IMMP2L: variants seen among roughly 807,000 people sequenced by gnomAD.
IMMP2L encodes the protein inner mitochondrial membrane peptidase subunit 2.
In IMMP2L, 18 loss-of-function variants were observed where a neutral mutation model predicts 19.3. The ratio of observed to expected loss-of-function variants is 0.93; its 90% CI spans 0.64 to 1.38. IMMP2L has a LOEUF of 1.38. Among genes scored for constraint, IMMP2L ranks in the 40% most tolerant of loss-of-function variants. The pLI is 0.00. For missense variants in IMMP2L, 233 were observed against 218.2 expected (o/e 1.07, Z -0.43); for synonymous variants, 76 against 73.0 (o/e 1.04, Z -0.21).
chr7:111,272,979 C>G (rs528073424), intron 3 of IMMP2L, among the ~76,000 whole-genome samples: 35 of 151,992 alleles, frequency 2.3e-4, no homozygotes, highest in Non-Finnish European at 4.1e-4. Context: ...GGAAGAAACA[C>G]CTAGATCAAA....
chr7:110,892,220 C>T (rs1258206902), intron 4 of IMMP2L, among the ~76,000 whole-genome samples: 1 of 152,092 alleles, frequency 6.6e-6, no homozygotes, highest in African/African-American at 2.4e-5. Context: ...CCTGAGTTTT[C>T]ATTAACTGAA....
At chr7:111,040,145 G>T (rs1237016725) in intron 3 of IMMP2L, among the ~76,000 whole-genome samples, 1 of 152,034 alleles carries the variant, frequency 6.6e-6, no homozygotes, top group Non-Finnish European at 1.5e-5. Context: ...CTGCAGCCTG[G>T]GTGACAAGAC....
At chr7:111,469,896 CT>C in intron 3 of IMMP2L, among the ~76,000 whole-genome samples, 1 of 152,162 alleles carries the variant, frequency 6.6e-6, no homozygotes, top group South Asian at 2.1e-4. Context: ...AACTAAAGAG[CT>C]TCTGCACAGC....
At chr7:111,048,750 G>T (rs1299357452) in intron 3 of IMMP2L, among the ~76,000 whole-genome samples, 1 of 152,190 alleles carries the variant, frequency 6.6e-6, no homozygotes, top group African/African-American at 2.4e-5. Flanking sequence ...ACTATAAAAA[G>T]ACAACTTGGT....
chr7:111,525,668 G>A (rs1277273345), intron 1 of IMMP2L, among the ~76,000 whole-genome samples: 1 of 152,072 alleles, frequency 6.6e-6, no homozygotes, highest in East Asian at 1.9e-4. Context: ...GGTGGGAGAA[G>A]GAAGGAGATA....
intron 5 of IMMP2L, among the ~76,000 whole-genome samples, chr7:110,816,177 A>G (rs1584917521): frequency 3.3e-5 from 5 of 152,044 alleles, no homozygotes; most frequent in African/African-American, 1.2e-4. Context: ...TTTTGTTCTC[A>G]TTGGTTTCAA....
intron 3 of IMMP2L, among the ~76,000 whole-genome samples, chr7:111,078,381 G>A (rs1795590122): frequency 6.6e-6 from 1 of 152,168 alleles, no homozygotes. Flanking sequence ...GGTCTAGAAT[G>A]TCACTTAAAG....
chr7:111,141,644 T>G (rs1802905567), intron 3 of IMMP2L, among the ~76,000 whole-genome samples: 1 of 152,132 alleles, frequency 6.6e-6, no homozygotes, highest in Admixed American at 6.5e-5. Flanking sequence ...TTTTTATTCC[T>G]CATTGGCATT....
At chr7:110,956,841 A>G (rs760613932) in intron 4 of IMMP2L, among the ~76,000 whole-genome samples, 20 of 152,016 alleles carry the variant, frequency 1.3e-4, no homozygotes, top group Non-Finnish European at 2.6e-4. Context: ...GTGTCCCAAT[A>G]AAAATGTTGA....
rs567142886 is a variant in IMMP2L, at chr7:111,500,260, G to A, written c.136-12919C>T. Among the ~76,000 whole-genome samples, 8 of 152,284 alleles carry A rather than the reference G, an allele frequency of 5.3e-5. No homozygotes were observed. In the South Asian group the frequency reaches 1.7e-3, roughly 32 times the overall value. ...CAAGGCGGCAGCGAGGCTGGGGAAG[G>A]GGCGCCTGCCATTGCCGAGGCTCGA... On this transcript the variant is annotated intron_variant, in intron 2 of 5. Coordinates refer to ENST00000405709, the MANE Select transcript of IMMP2L (RefSeq NM_032549.4).
chr7:111,433,318 T>C (rs1254012926), intron 3 of IMMP2L, among the ~76,000 whole-genome samples: 1 of 151,794 alleles, frequency 6.6e-6, no homozygotes, highest in Non-Finnish European at 1.5e-5. Flanking sequence ...CTGGGCAATT[T>C]ACAAAAGAAA....
At chr7:110,796,826 A>C (rs1800896202) in intron 5 of IMMP2L, among the ~76,000 whole-genome samples, 1 of 152,032 alleles carries the variant, frequency 6.6e-6, no homozygotes, top group African/African-American at 2.4e-5. Flanking sequence ...GATATCTACA[A>C]GGTGTTAGCC....
chr7:111,506,866 G>T (rs879307382), intron 2 of IMMP2L, among the ~76,000 whole-genome samples: 1 of 152,072 alleles, frequency 6.6e-6, no homozygotes, highest in Admixed American at 6.6e-5. Context: ...GTTTGAGACA[G>T]AGTCTCACGG....
Position 111,281,206 on chromosome 7 carries a change from GAAAGAAAGAAAAAGAA to G in IMMP2L, c.239+206016_239+206031del, listed in dbSNP as rs1390300200. On this transcript the variant is annotated intron_variant, in intron 3 of 5. Transcript: ENST00000405709. ...AGAAAGAAAGAAAGAAAGAAAGAAA[GAAAGAAAGAAAAAGAA>G]AGAAAGAAAGAAAGAAAGAAAGAAG... 1.2e-4 allele frequency among the ~76,000 whole-genome samples: 5 copies of G among 40,352 alleles called. No homozygotes were observed. In the East Asian group the frequency reaches 2.7e-3, roughly 22 times the overall value. The allele number at this position is 40,352 out of a possible 152,430, so 26.5% of individuals were successfully genotyped here. A position where few individuals can be genotyped will look rare whatever the true frequency, so the allele number is the denominator to read the frequency against.
rs111870526 is a variant in IMMP2L at position 111,201,715 on chromosome 7, CA to C, written c.240-238151del. ...TTGGCAACAGAGCAAGACCCTGTCT[CA>C]AAAAAAAAAAAAGGAAAAAAAAAGA... is the stretch of plus-strand genomic sequence containing the variant. On this transcript the variant is annotated intron_variant, in intron 3 of 5. Coordinates refer to ENST00000405709, the MANE Select transcript of IMMP2L (RefSeq NM_032549.4). Among the ~76,000 whole-genome samples the C allele has an allele frequency of 9.4e-3, 967 of 102,504 alleles. 2 individuals carry two copies. The highest frequency in any genetic ancestry group is 0.025 in the African/African-American group (642 of 25,610). The allele number at this position is 102,504 out of a possible 152,430, so 67.2% of individuals were successfully genotyped here.
intron 1 of IMMP2L, among the ~76,000 whole-genome samples, chr7:111,534,024 A>G (rs1409721165): frequency 6.6e-6 from 1 of 152,102 alleles, no homozygotes; most frequent in Non-Finnish European, 1.5e-5. Context: ...TGGACAGTAT[A>G]TAAAGACATA....
At chr7:111,027,732 G>C (rs753726801) in intron 3 of IMMP2L, among the ~76,000 whole-genome samples, 2 of 152,080 alleles carry the variant, frequency 1.3e-5, no homozygotes, top group South Asian at 2.1e-4. Context: ...GTACAGGGAA[G>C]TCTAATACTG....
At chr7:111,535,336 AAG>A (rs1039600421) in intron 1 of IMMP2L, among the ~76,000 whole-genome samples, 12 of 152,182 alleles carry the variant, frequency 7.9e-5, no homozygotes, top group South Asian at 2.1e-4. Flanking sequence ...GAAGGAAAGA[AAG>A]AGGGGGAAAA....
At chr7:110,691,660 A>G (rs1484612378) in intron 5 of IMMP2L, among the ~76,000 whole-genome samples, 1 of 152,230 alleles carries the variant, frequency 6.6e-6, no homozygotes, top group Non-Finnish European at 1.5e-5. Context: ...GGACATGGAT[A>G]GACATATCTC....
Sources: gnomAD v4.1 joint callset for allele counts (sites outside exome capture counted in the v4.1 genomes callset) on GRCh38, gnomAD v4.1.1 for gene constraint, MANE v1.5 for transcripts, NCBI Gene and HGNC (gene_info 2026-07-23, HGNC 2026-07-21) for gene names.